EPB41L3: variants seen among roughly 807,000 people sequenced by gnomAD.
EPB41L3 encodes band 4.1-like protein 3.
EPB41L3 carries 57 observed loss-of-function variants against 127.1 expected under a neutral mutation model. That is an observed-to-expected ratio of 0.45 (90% CI 0.36 to 0.56). EPB41L3 has a LOEUF of 0.56. Ranked by LOEUF, EPB41L3 falls within the 20% of genes least tolerant of loss-of-function variation. EPB41L3 has a pLI of 0.00. For missense variants in EPB41L3, 1,273 were observed against 1,372.2 expected (o/e 0.93, Z 1.14); for synonymous variants, 572 against 549.5 (o/e 1.04, Z -0.57).
chr18:5,554,530 A>G (rs983721640), intron 3 of EPB41L3, among the ~76,000 whole-genome samples: 1 of 152,150 alleles, frequency 6.6e-6, no homozygotes, highest in Non-Finnish European at 1.5e-5. Flanking sequence ...TGCAACATAC[A>G]CTGGTTCCCT....
At chr18:5,594,593 T>C (rs375697242) in intron 3 of EPB41L3, among the ~76,000 whole-genome samples, 54 of 152,340 alleles carry the variant, frequency 3.5e-4, no homozygotes, top group Non-Finnish European at 7.2e-4. Flanking sequence ...AGATTGTGTA[T>C]CTTCCAGCTT....
rs182677406 is a variant in EPB41L3, at chr18:5,484,375, C to T, written c.183+4626G>A. Among the ~76,000 whole-genome samples the T allele has an allele frequency of 1.3e-4, 20 of 151,338 alleles. No homozygotes were observed. The East Asian group carries it at 1.9e-3, about 15-fold the overall frequency. On this transcript the variant is annotated intron_variant, in intron 2 of 22. Transcript: ENST00000341928. ...TAAGAGGGAAGTGGAGAGCAATAAA[C>T]GTCTATATCAAAAAAGTAAAAAGCC...
At chr18:5,587,376 T>C (rs1035414931) in intron 3 of EPB41L3, among the ~76,000 whole-genome samples, 1 of 152,218 alleles carries the variant, frequency 6.6e-6, no homozygotes, top group African/African-American at 2.4e-5. Flanking sequence ...CATGTTCACA[T>C]AACTCTTATT....
intron 12 of EPB41L3, among the ~76,000 whole-genome samples, chr18:5,419,058 G>GA (rs2077157430): frequency 2.0e-5 from 3 of 151,996 alleles, no homozygotes; most frequent in African/African-American, 7.2e-5. Context: ...TGGATCACCA[G>GA]AAAAAAACAT....
intron 2 of EPB41L3, among the ~76,000 whole-genome samples, chr18:5,488,594 AAT>A: frequency 6.6e-6 from 1 of 151,704 alleles, no homozygotes; most frequent in East Asian, 1.9e-4. Flanking sequence ...TAATAATAAT[AAT>A]AATAATAATA....
At chr18:5,561,053 C>A (rs954809112) in intron 3 of EPB41L3, among the ~76,000 whole-genome samples, 1 of 147,372 alleles carries the variant, frequency 6.8e-6, no homozygotes, top group Non-Finnish European at 1.5e-5. Context: ...TCGCGGCTCA[C>A]TGCAAGCTCC....
chr18:5,447,895 T>G (rs888471528), intron 3 of EPB41L3, among the ~76,000 whole-genome samples: 2 of 152,246 alleles, frequency 1.3e-5, no homozygotes, highest in Non-Finnish European at 2.9e-5. Context: ...AACACTGGTT[T>G]TAAAGACAAT....
chr18:5,454,869 G>A (rs1411458989), intron 3 of EPB41L3, among the ~76,000 whole-genome samples: 1 of 152,112 alleles, frequency 6.6e-6, no homozygotes, highest in Non-Finnish European at 1.5e-5. Context: ...GAATTCATCT[G>A]GCATTATTTA....
chr18:5,495,822 A>T (rs2091117876), intron 1 of EPB41L3, among the ~76,000 whole-genome samples: 1 of 152,230 alleles, frequency 6.6e-6, no homozygotes, highest in African/African-American at 2.4e-5. Flanking sequence ...CTGTTCTAAA[A>T]TTCCAAAATT....
intron 1 of EPB41L3, among the ~76,000 whole-genome samples, chr18:5,519,806 G>A (rs905633058): frequency 6.6e-6 from 1 of 152,196 alleles, no homozygotes; most frequent in Non-Finnish European, 1.5e-5. Flanking sequence ...ATTTAGCTGA[G>A]TAGTTACTGA....
intron 2 of EPB41L3, among the ~76,000 whole-genome samples, chr18:5,485,194 T>C (rs1283430760): frequency 6.6e-6 from 1 of 151,942 alleles, no homozygotes; most frequent in Non-Finnish European, 1.5e-5. Context: ...TGGTTAAACA[T>C]ACAAAAATCA....
intron 3 of EPB41L3, among the ~76,000 whole-genome samples, chr18:5,574,613 A>G (rs1266230373): frequency 6.6e-6 from 1 of 151,954 alleles, no homozygotes; most frequent in African/African-American, 2.4e-5. Context: ...TCCTTCTTGG[A>G]ATCTGAAATT....
At chr18:5,453,030 G>T (rs2082508540) in intron 3 of EPB41L3, among the ~76,000 whole-genome samples, 1 of 152,166 alleles carries the variant, frequency 6.6e-6, no homozygotes, top group Admixed American at 6.5e-5. Flanking sequence ...CCTTGGCACA[G>T]CTTTCTCCAA....
chr18:5,448,247 T>C lies in EPB41L3; in HGVS notation c.382-3003A>G, dbSNP rs541987644. 7.9e-5 allele frequency among the ~76,000 whole-genome samples: 12 copies of C among 152,296 alleles called. No individual in the cohort carries two copies. In the East Asian group the frequency reaches 2.3e-3, roughly 29 times the overall value. ...GGCATCAGCATCCTTCTACACGTCATGATGAGAAAGATGCTGCCAACGGAT... is the reference window on the plus strand; with the variant it reads ...GGCATCAGCATCCTTCTACACGTCACGATGAGAAAGATGCTGCCAACGGAT... On this transcript the variant is annotated intron_variant, in intron 3 of 22. Transcript: ENST00000341928.
intron 21 of EPB41L3, 58 bp downstream of exon 21, chr18:5,395,009 G>T: frequency 1.3e-6 from 2 of 1,530,846 alleles, no homozygotes; most frequent in Non-Finnish European, 1.8e-6. Context: ...GAAACTGTAG[G>T]ACCAACAGGT....
chr18:5,496,292 C>T (rs1598325187), intron 1 of EPB41L3, among the ~76,000 whole-genome samples: 1 of 152,268 alleles, frequency 6.6e-6, no homozygotes, highest in East Asian at 1.9e-4. Flanking sequence ...TTTCCAAATC[C>T]AACAGGTACC....
At chr18:5,407,104 C>A in intron 15 of EPB41L3, 136 bp from the exon 16 acceptor site, 1 of 712,652 alleles carries the variant, frequency 1.4e-6, no homozygotes, top group Non-Finnish European at 2.3e-6. Flanking sequence ...AGGCTCATGG[C>A]ACTACCACAA....
intron 13 of EPB41L3, among the ~76,000 whole-genome samples, chr18:5,414,835 G>A (rs1348687736): frequency 2.6e-5 from 4 of 152,172 alleles, no homozygotes; most frequent in Non-Finnish European, 5.9e-5. Context: ...CAATTAACAG[G>A]AAAAACTACT....
At chr18:5,450,457 A>G (rs1244950318) in intron 3 of EPB41L3, among the ~76,000 whole-genome samples, 1 of 75,964 alleles carries the variant, frequency 1.3e-5, no homozygotes, top group Admixed American at 1.6e-4. Context: ...AAATAAAAAT[A>G]GAGAAACTGG....
Sources: gnomAD v4.1 joint callset for allele counts (sites outside exome capture counted in the v4.1 genomes callset) on GRCh38, gnomAD v4.1.1 for gene constraint, MANE v1.5 for transcripts, NCBI Gene and HGNC (gene_info 2026-07-23, HGNC 2026-07-21) for gene names.